MOCOS: variants seen among roughly 807,000 people sequenced by gnomAD.
MOCOS encodes the protein molybdenum cofactor sulfurase, also known as human molybdenum cofactor sulfurase.
A neutral mutation model predicts 83.6 loss-of-function variants in MOCOS; 86 were observed. The observed-to-expected ratio is 1.03, with a 90% CI of 0.86 to 1.23. The LOEUF is 1.23. Among genes scored for constraint, MOCOS ranks in the 50% most tolerant of loss-of-function variants. The probability of loss-of-function intolerance (pLI) is 0.00; values close to 1 mark genes in which losing one functional copy is unlikely to be tolerated. For synonymous variants in MOCOS, 445 were observed against 434.7 expected, an observed-to-expected ratio of 1.02 and a Z score of -0.29; for missense variants, 1,120 against 1,126.9, an observed-to-expected ratio of 0.99 and a Z score of 0.09.
intron 13 of MOCOS, among the ~76,000 whole-genome samples, chr18:36,260,389 C>G (rs1192584897): frequency 6.6e-6 from 1 of 152,204 alleles, no homozygotes; most frequent in African/African-American, 2.4e-5. Flanking sequence ...CAGTCAGTTT[C>G]GCACACACCA....
At chr18:36,213,746 T>G (rs922245360) in intron 7 of MOCOS, among the ~76,000 whole-genome samples, 39 of 151,022 alleles carry the variant, frequency 2.6e-4, no homozygotes, top group African/African-American at 9.0e-4. Context: ...CTGGCCAACA[T>G]GGTGAAACCC....
Position 36,268,803 on chromosome 18 carries a change from C to A in MOCOS, c.*118C>A. 1 of 882,616 alleles carries A rather than the reference C, an allele frequency of 1.1e-6. No individual in the cohort carries two copies. The highest frequency in any genetic ancestry group is 1.8e-6 in the Non-Finnish European group (1 of 559,100). The allele number at this position is 882,616 out of a possible 1,614,324, so 54.7% of individuals were successfully genotyped here. A position where few individuals can be genotyped will look rare whatever the true frequency, so the allele number is the denominator to read the frequency against. On this transcript the variant is annotated 3_prime_UTR_variant, in exon 15 of 15. Coordinates refer to ENST00000261326, the MANE Select transcript of MOCOS (RefSeq NM_017947.4). ...AAGGAGAGCTCTTTTTCTTTAGAGG[C>A]AGGGAATGCTCTCACCTGCTTCCTT...
At chr18:36,214,988 C>T (rs1465065611) in intron 7 of MOCOS, among the ~76,000 whole-genome samples, 1 of 152,212 alleles carries the variant, frequency 6.6e-6, no homozygotes, top group East Asian at 1.9e-4. Flanking sequence ...CAGGGGCACT[C>T]AAGCTGACCT....
intron 1 of MOCOS, among the ~76,000 whole-genome samples, chr18:36,191,134 C>T (rs548467342): frequency 2.6e-5 from 4 of 151,998 alleles, no homozygotes; most frequent in Admixed American, 6.6e-5. Context: ...GTGCTTGCTT[C>T]GCTTTCCACC....
At chr18:36,208,838 G>A (rs2091443797) in intron 6 of MOCOS, among the ~76,000 whole-genome samples, 1 of 152,182 alleles carries the variant, frequency 6.6e-6, no homozygotes, top group Admixed American at 6.5e-5. Context: ...TGTTGAAAAG[G>A]AGTGGTGAGA....
chr18:36,260,765 A>T (rs910037798), intron 13 of MOCOS, among the ~76,000 whole-genome samples: 1 of 151,752 alleles, frequency 6.6e-6, no homozygotes, highest in Admixed American at 6.6e-5. Flanking sequence ...TGCTCCTCAC[A>T]TGGTTGACAA....
chr18:36,200,019 C>G lies in MOCOS; in HGVS notation c.636C>G (p.Pro212=), dbSNP rs779227273. ...AQSNFSGVRY[P]LSWIEEVKSG... is the part of the protein sequence containing the mutation. ...GTAACTTTTCTGGAGTCAGATACCC[C>G]CTGTCCTGGATAGAAGAGGTCAAGT... The change falls in exon 4 of 15, where the codon CCC becomes CCG. Residue 212 remains proline, a synonymous_variant. Transcript: ENST00000261326. The G allele has an allele frequency of 2.5e-6, 4 of 1,614,232 alleles. No homozygotes were observed. Among genetic ancestry groups the G allele is most frequent in the East Asian group, 2.2e-5 (1 of 44,890 alleles).
chr18:36,252,119 A>C (rs953959514), intron 11 of MOCOS, among the ~76,000 whole-genome samples: 6 of 152,210 alleles, frequency 3.9e-5, no homozygotes, highest in African/African-American at 1.4e-4. Context: ...AGCACCTGGC[A>C]CATAGTTGCT....
chr18:36,204,710 G>A (rs1030710050), intron 5 of MOCOS, among the ~76,000 whole-genome samples: 1 of 151,968 alleles, frequency 6.6e-6, no homozygotes, highest in Admixed American at 6.6e-5. Flanking sequence ...TGAGTTAGTG[G>A]TGCCAGGCGT....
intron 8 of MOCOS, among the ~76,000 whole-genome samples, chr18:36,218,318 T>C (rs1474750296): frequency 6.6e-6 from 1 of 151,758 alleles, no homozygotes; most frequent in Admixed American, 6.6e-5. Flanking sequence ...CTGTCAAATT[T>C]AATTTTACCT....
At chr18:36,237,485 G>C (rs888539630) in intron 9 of MOCOS, among the ~76,000 whole-genome samples, 92 of 152,268 alleles carry the variant, frequency 6.0e-4, no homozygotes, top group African/African-American at 1.5e-3. Flanking sequence ...ATGAAGCCCA[G>C]TTGATCATGG....
chr18:36,235,376 G>A (rs905338238), intron 9 of MOCOS, among the ~76,000 whole-genome samples: 6 of 132,594 alleles, frequency 4.5e-5, no homozygotes, highest in Admixed American at 8.0e-5. Flanking sequence ...GTGAGAATAT[G>A]CGGTGTTTGG....
chr18:36,228,917 C>T (rs1791543306), intron 9 of MOCOS, among the ~76,000 whole-genome samples: 1 of 151,608 alleles, frequency 6.6e-6, no homozygotes, highest in African/African-American at 2.4e-5. Flanking sequence ...AATCCTTCTG[C>T]CCCAGCCCCC....
chr18:36,255,052 T>C (rs2091636779), intron 11 of MOCOS, among the ~76,000 whole-genome samples: 1 of 152,100 alleles, frequency 6.6e-6, no homozygotes, highest in Non-Finnish European at 1.5e-5. Flanking sequence ...ACACAGTTGA[T>C]CAAAGCAACA....
intron 9 of MOCOS, among the ~76,000 whole-genome samples, chr18:36,225,621 TC>T (rs981533095): frequency 5.3e-4 from 81 of 152,326 alleles, no homozygotes; most frequent in African/African-American, 1.9e-3. Context: ...TTTTTCTAGT[TC>T]CTTGTGGTGT....
At chr18:36,265,480 G>A (rs1297890254) in intron 13 of MOCOS, among the ~76,000 whole-genome samples, 1 of 152,174 alleles carries the variant, frequency 6.6e-6, no homozygotes, top group Non-Finnish European at 1.5e-5. Context: ...TAATTTCAGT[G>A]CATAATTTGT....
intron 4 of MOCOS, among the ~76,000 whole-genome samples, chr18:36,201,341 G>A (rs931671053): frequency 1.3e-5 from 2 of 152,172 alleles, no homozygotes; most frequent in Non-Finnish European, 2.9e-5. Context: ...CTTGTTCTCT[G>A]CACCTCATGT....
In MOCOS at chr18:36,194,485, A is replaced by G. The variant is rs754852596; in HGVS notation, c.143-772A>G. On this transcript the variant is annotated intron_variant, in intron 1 of 14. Coordinates refer to ENST00000261326, the MANE Select transcript of MOCOS (RefSeq NM_017947.4). ...GTTGTTTCCAATCTTTTGCTATTGCAGGCAATAGTTCGTCGAATAGCCTTA... is the reference window on the plus strand; with the variant it reads ...GTTGTTTCCAATCTTTTGCTATTGCGGGCAATAGTTCGTCGAATAGCCTTA... Among the ~76,000 whole-genome samples the G allele has an allele frequency of 7.8e-4, 118 of 152,242 alleles. 1 individual carries two copies. Among genetic ancestry groups the G allele is most frequent in the Non-Finnish European group, 2.9e-4 (20 of 68,044 alleles).
chr18:36,245,700 A>G (rs2091599897), intron 9 of MOCOS, among the ~76,000 whole-genome samples: 1 of 152,174 alleles, frequency 6.6e-6, no homozygotes, highest in African/African-American at 2.4e-5. Context: ...GTTTTCCTTG[A>G]TTATTCCCTC....
Sources: gnomAD v4.1 joint callset for allele counts (sites outside exome capture counted in the v4.1 genomes callset) on GRCh38, gnomAD v4.1.1 for gene constraint, MANE v1.5 for transcripts, NCBI Gene and HGNC (gene_info 2026-07-23, HGNC 2026-07-21) for gene names.